The following SOS1 variants were observed in gnomAD, a reference collection of about 807,000 sequenced individuals.
SOS1 encodes SOS Ras/Rac guanine nucleotide exchange factor 1, also known as son of sevenless homolog 1.
A neutral mutation model predicts 157.6 loss-of-function variants in SOS1; 25 were observed. That is an observed-to-expected ratio of 0.16 (90% confidence interval 0.12 to 0.22). The LOEUF is 0.22. SOS1 is among the 10% of genes least tolerant of loss of function. SOS1 has a pLI of 1.00. For missense variants in SOS1, 1,237 were observed against 1,599.1 expected, an observed-to-expected ratio of 0.77 and a Z score of 3.86; for synonymous variants, 528 against 534.0, an observed-to-expected ratio of 0.99 and a Z score of 0.16.
rs1483982879 is a variant in SOS1 at position 39,070,093 on chromosome 2, TCTGA to T, written c.88-2344_88-2341del. Among the ~76,000 whole-genome samples the T allele has an allele frequency of 2.0e-5, 3 of 152,294 alleles. No homozygotes were observed. In the East Asian group the frequency reaches 5.8e-4, roughly 29 times the overall value. ...CTCTCCATTCACCATACCACCACAC[TCTGA>T]CTAACGTGTGTAGGTATCAAACCAT... On this transcript the variant is annotated intron_variant, in intron 1 of 22. Coordinates refer to ENST00000402219, the MANE Select transcript of SOS1 (RefSeq NM_005633.4).
At chr2:39,068,158 G>A (rs1254906337) in intron 1 of SOS1, among the ~76,000 whole-genome samples, 1 of 152,126 alleles carries the variant, frequency 6.6e-6, no homozygotes, top group African/African-American at 2.4e-5. Flanking sequence ...ATGTGGTCTG[G>A]CTTGCAAATA....
At chr2:39,091,058 G>A (rs149644317) in intron 1 of SOS1, among the ~76,000 whole-genome samples, 193 of 152,174 alleles carry the variant, frequency 1.3e-3, no homozygotes, top group African/African-American at 4.2e-3. Context: ...TAGTAGAGAC[G>A]GGGTTTCACC....
chr2:39,035,956 T>C (rs771703774), intron 6 of SOS1, among the ~76,000 whole-genome samples: 4 of 152,194 alleles, frequency 2.6e-5, no homozygotes, highest in African/African-American at 7.2e-5. Flanking sequence ...TAACAGTTCA[T>C]GTCATCTAAA....
intron 1 of SOS1, among the ~76,000 whole-genome samples, chr2:39,090,532 T>C (rs1053837583): frequency 4.0e-5 from 6 of 150,486 alleles, no homozygotes; most frequent in Non-Finnish European, 7.4e-5. Flanking sequence ...CCCATCTCTA[T>C]TAAAAATACA....
chr2:39,121,914 G>T (rs956170443), upstream of SOS1, among the ~76,000 whole-genome samples: 3 of 152,058 alleles, frequency 2.0e-5, no homozygotes, highest in African/African-American at 2.4e-5. Flanking sequence ...TCATTTTTTT[G>T]AGTATCATCT....
intron 1 of SOS1, among the ~76,000 whole-genome samples, chr2:39,074,691 A>G (rs1671904017): frequency 6.6e-6 from 1 of 152,112 alleles, no homozygotes; most frequent in South Asian, 2.1e-4. Flanking sequence ...AACATGGAGA[A>G]AGCTTGTCTG....
At chr2:39,123,076 G>A (rs1005283702), upstream of SOS1, among the ~76,000 whole-genome samples, 10 of 152,114 alleles carry the variant, frequency 6.6e-5, no homozygotes, top group African/African-American at 2.2e-4. Flanking sequence ...TCCAGTCACA[G>A]TAGCCTTCTG....
intron 6 of SOS1, among the ~76,000 whole-genome samples, chr2:39,046,484 T>A (rs1271232282): frequency 2.0e-5 from 3 of 151,542 alleles, no homozygotes; most frequent in Non-Finnish European, 4.4e-5. Flanking sequence ...TTATTTATTT[T>A]GAGACAGTGT....
At chr2:38,991,107 T>A (rs1668718709) in intron 20 of SOS1, among the ~76,000 whole-genome samples, 1 of 152,062 alleles carries the variant, frequency 6.6e-6, no homozygotes, top group Admixed American at 6.6e-5. Context: ...TGGGCCTACA[T>A]ATTTTTTTTA....
At chr2:39,069,283 C>T (rs544278383) in intron 1 of SOS1, among the ~76,000 whole-genome samples, 2 of 140,948 alleles carry the variant, frequency 1.4e-5, no homozygotes, top group Admixed American at 7.5e-5. Context: ...GCTGAGGTGA[C>T]GTGGAAGGAT....
chr2:39,062,552 T>G (rs1423716330), intron 2 of SOS1, among the ~76,000 whole-genome samples: 2 of 148,984 alleles, frequency 1.3e-5, no homozygotes, highest in Admixed American at 6.6e-5. Context: ...TTTTACATTT[T>G]ACGATGAAGG....
intron 1 of SOS1, among the ~76,000 whole-genome samples, chr2:39,119,585 G>T (rs1673786670): frequency 6.6e-6 from 1 of 152,190 alleles, no homozygotes; most frequent in African/African-American, 2.4e-5. Flanking sequence ...TCACACTGCT[G>T]CTTTAGAAGC....
intron 13 of SOS1, among the ~76,000 whole-genome samples, chr2:39,012,585 C>G (rs1196499012): frequency 6.6e-6 from 1 of 152,000 alleles, no homozygotes; most frequent in African/African-American, 2.4e-5. Context: ...TCTTCCAGAT[C>G]CTTTCCAAAT....
intron 21 of SOS1, 127 bp downstream of exon 21, chr2:38,989,143 T>G: frequency 1.4e-6 from 1 of 709,038 alleles, no homozygotes; most frequent in Non-Finnish European, 2.6e-6. Flanking sequence ...AGGCCTCACT[T>G]CTAGGATGTT....
intron 6 of SOS1, among the ~76,000 whole-genome samples, chr2:39,036,621 T>G (rs1670360264): frequency 6.7e-6 from 1 of 150,106 alleles, no homozygotes; most frequent in South Asian, 2.3e-4. Flanking sequence ...TCGGCCAGGC[T>G]GGAGTGCAGT....
intron 1 of SOS1, among the ~76,000 whole-genome samples, chr2:39,102,003 C>T (rs897285061): frequency 3.3e-5 from 5 of 149,528 alleles, no homozygotes; most frequent in South Asian, 2.1e-4. Flanking sequence ...GTCAGGAGTT[C>T]GAGACCAGCC....
At chr2:39,110,307 A>T (rs1311001172) in intron 1 of SOS1, among the ~76,000 whole-genome samples, 2 of 152,180 alleles carry the variant, frequency 1.3e-5, no homozygotes, top group Non-Finnish European at 2.9e-5. Context: ...AGTAATGACC[A>T]AAAAAATCTG....
rs553113231 is a variant in SOS1, at chr2:39,115,938, C to A, written c.87+4398G>T. Among the ~76,000 whole-genome samples, 245 of 147,946 alleles carry A rather than the reference C, an allele frequency of 1.7e-3. 1 individual carries two copies. Among genetic ancestry groups the A allele is most frequent in the Non-Finnish European group, 3.0e-3 (200 of 66,982 alleles). On this transcript the variant is annotated intron_variant, in intron 1 of 22. Transcript: ENST00000402219. ...ACATCTAGAAGTTCCAAATCTGCTT[C>A]ATCAGATACCAACAACCAATAGTAT...
chr2:39,019,315 C>T (rs1473491899), intron 10 of SOS1, among the ~76,000 whole-genome samples: 1 of 151,746 alleles, frequency 6.6e-6, no homozygotes, highest in East Asian at 1.9e-4. Context: ...CATTTATCTA[C>T]TCGTGTTGTT....
Sources: allele counts gnomAD v4.1 joint callset (sites outside exome capture counted in the v4.1 genomes callset), GRCh38; gene constraint gnomAD v4.1.1; transcripts MANE v1.5; gene names NCBI Gene and HGNC (gene_info 2026-07-23, HGNC 2026-07-21).